The following CCDC148 variants were observed in gnomAD, a reference collection of about 807,000 sequenced individuals.
CCDC148 encodes the protein coiled-coil domain-containing protein 148.
CCDC148 carries 89 observed loss-of-function variants against 85.7 expected under a neutral mutation model. The observed-to-expected ratio is 1.04, with a 90% CI of 0.87 to 1.24. The LOEUF is 1.24. CCDC148 is among the 50% of genes most tolerant of loss of function. CCDC148 has a pLI of 0.00. For missense variants in CCDC148, 692 were observed against 671.7 expected (o/e 1.03, Z -0.33); for synonymous variants, 230 against 213.9 (o/e 1.08, Z -0.66).
At chr2:158,224,104 C>A (rs1687354317) in intron 10 of CCDC148, among the ~76,000 whole-genome samples, 1 of 152,010 alleles carries the variant, frequency 6.6e-6, no homozygotes, top group Admixed American at 6.6e-5. Flanking sequence ...CTAGAATAAC[C>A]AATGCAGAGA....
chr2:158,325,608 T>C (rs1013747008), intron 7 of CCDC148, among the ~76,000 whole-genome samples: 1 of 152,170 alleles, frequency 6.6e-6, no homozygotes, highest in African/African-American at 2.4e-5. Flanking sequence ...CAAACCCATA[T>C]AGCCAACTGC....
At chr2:158,427,463 C>A (rs1443365331) in intron 1 of CCDC148, among the ~76,000 whole-genome samples, 2 of 152,022 alleles carry the variant, frequency 1.3e-5, no homozygotes, top group African/African-American at 4.8e-5. Flanking sequence ...GAAGAGGTGG[C>A]AAAGCTGAAT....
intron 1 of CCDC148, among the ~76,000 whole-genome samples, chr2:158,411,458 ATTGAG>A (rs1364055238): frequency 6.6e-6 from 1 of 151,956 alleles, no homozygotes; most frequent in African/African-American, 2.4e-5. Context: ...CTTCTGCTTG[ATTGAG>A]TTTTCTATAG....
chr2:158,308,464 CTT>C (rs1186118837), intron 9 of CCDC148, among the ~76,000 whole-genome samples: 3 of 118,848 alleles, frequency 2.5e-5, no homozygotes, highest in Non-Finnish European at 5.5e-5. Context: ...AAAGAAATAT[CTT>C]TTTGTTTTAA....
rs550522359 is a variant in CCDC148, at chr2:158,192,106, G to C, written c.1371-13110C>G. The stretch of plus-strand genomic sequence containing the variant: ...CAATAAACTGGACAGAGATTCAGAT[G>C]AACTTACAAATAATATGTAGATCAC... On this transcript the variant is annotated intron_variant, in intron 11 of 13. Coordinates refer to ENST00000283233, the MANE Select transcript of CCDC148 (RefSeq NM_138803.4). Among the ~76,000 whole-genome samples the C allele has an allele frequency of 7.2e-5, 11 of 152,122 alleles. 1 individual carries two copies. The South Asian group carries it at 1.0e-3, about 14-fold the overall frequency.
chr2:158,256,534 AAC>A lies in CCDC148; in HGVS notation c.1111-5624_1111-5623del, dbSNP rs113842403. On this transcript the variant is annotated intron_variant, in intron 9 of 13. Transcript: ENST00000283233. ...ATATTCTATTGGCCATATTTATGGA[AAC>A]AGTGTGTGATGTGGTTGTTTTATAT... Among the ~76,000 whole-genome samples, 83 of 151,956 alleles carry A rather than the reference AAC, an allele frequency of 5.5e-4. 1 individual carries two copies. Among genetic ancestry groups the A allele is most frequent in the African/African-American group, 1.9e-3 (80 of 41,512 alleles).
intron 1 of CCDC148, among the ~76,000 whole-genome samples, chr2:158,431,334 C>G (rs1046988960): frequency 2.0e-5 from 3 of 151,642 alleles, no homozygotes; most frequent in African/African-American, 7.3e-5. Context: ...TTAAAAACTT[C>G]TAGTGATGGG....
At chr2:158,454,736 G>A (rs1368205031) in intron 1 of CCDC148, among the ~76,000 whole-genome samples, 2 of 152,222 alleles carry the variant, frequency 1.3e-5, no homozygotes, top group Non-Finnish European at 2.9e-5. Flanking sequence ...AGTCTGAATA[G>A]CATGAACTTT....
At chr2:158,351,259 G>A (rs369470354) in intron 2 of CCDC148, among the ~76,000 whole-genome samples, 3 of 152,188 alleles carry the variant, frequency 2.0e-5, no homozygotes, top group Non-Finnish European at 4.4e-5. Context: ...GAACAGCTCC[G>A]GTCTACAGCT....
Position 158,176,447 on chromosome 2 carries a change from C to T in CCDC148, c.1629+74G>A, listed in dbSNP as rs947411347. On this transcript the variant is annotated intron_variant, in intron 13 of 13. Transcript: ENST00000283233. ...ATGTAAATATTGAAAACTGTTGTAACCCCAAACACACACTTCTACAGTCCT... is the reference window on the plus strand; with the variant it reads ...ATGTAAATATTGAAAACTGTTGTAATCCCAAACACACACTTCTACAGTCCT... The T allele has an allele frequency of 2.9e-5, 42 of 1,448,210 alleles. No individual in the cohort carries two copies. In the Admixed American group the frequency reaches 8.3e-4, roughly 29 times the overall value. The allele number at this position is 1,448,210 out of a possible 1,614,324, so 89.7% of individuals were successfully genotyped here.
In CCDC148 at chr2:158,425,144, T is replaced by A. The variant is rs114837836; in HGVS notation, c.25+31271A>T. ...GGAATTACAATAGTGCCTATGGTGG[T>A]GATCAAAACTGTAGTGGCTATGGCA... On this transcript the variant is annotated intron_variant, in intron 1 of 13. Coordinates refer to ENST00000283233, the MANE Select transcript of CCDC148 (RefSeq NM_138803.4). 1,393 of 508,092 alleles carry A rather than the reference T, an allele frequency of 2.7e-3. 5 individuals carry two copies. The highest frequency in any genetic ancestry group is 4.3e-3 in the Non-Finnish European group (1,097 of 252,810). The allele number at this position is 508,092 out of a possible 1,614,324, so 31.5% of individuals were successfully genotyped here.
At chr2:158,269,038 C>G (rs1463096641) in intron 9 of CCDC148, among the ~76,000 whole-genome samples, 1 of 152,018 alleles carries the variant, frequency 6.6e-6, no homozygotes, top group Non-Finnish European at 1.5e-5. Flanking sequence ...GTGCAGCTAT[C>G]TTTGATTGGT....
At chr2:158,361,996 C>CAA (rs201419924) in intron 1 of CCDC148, among the ~76,000 whole-genome samples, 8,857 of 109,780 alleles carry the variant, frequency 0.081, 462 homozygotes, top group Non-Finnish European at 0.1. Flanking sequence ...AATGGAAAGC[C>CAA]AAAAAAAAAA....
At chr2:158,178,854 A>G in intron 12 of CCDC148, 25 bp downstream of exon 12, 2 of 1,533,896 alleles carry the variant, frequency 1.3e-6, no homozygotes, top group Non-Finnish European at 1.8e-6. Flanking sequence ...AAAACCACCC[A>G]TGAAAATTTC....
At chr2:158,368,822 C>A (rs1212600513) in intron 1 of CCDC148, among the ~76,000 whole-genome samples, 1 of 151,726 alleles carries the variant, frequency 6.6e-6, no homozygotes, top group Non-Finnish European at 1.5e-5. Context: ...CCAGTCTCTA[C>A]AGGGAAAAAT....
chr2:158,335,664 T>C (rs1682337802), intron 7 of CCDC148, among the ~76,000 whole-genome samples: 1 of 152,106 alleles, frequency 6.6e-6, no homozygotes, highest in African/African-American at 2.4e-5. Context: ...TGGGGGATAC[T>C]GCCCCCATGA....
At chr2:158,321,248 CA>C (rs1692506601) in intron 7 of CCDC148, among the ~76,000 whole-genome samples, 1 of 151,956 alleles carries the variant, frequency 6.6e-6, no homozygotes, top group Non-Finnish European at 1.5e-5. Flanking sequence ...AGATATGTGA[CA>C]AAAATAAAAT....
intron 11 of CCDC148, among the ~76,000 whole-genome samples, chr2:158,208,216 C>T (rs908319423): frequency 2.0e-5 from 3 of 152,078 alleles, no homozygotes; most frequent in African/African-American, 4.8e-5. Context: ...GAAGCGAGTA[C>T]ATTTTGGGTT....
intron 1 of CCDC148, among the ~76,000 whole-genome samples, chr2:158,443,515 A>AAAAAAAAAAAAAAAG (rs1553524474): frequency 4.0e-5 from 4 of 100,898 alleles, no homozygotes; most frequent in Non-Finnish European, 4.0e-5. Flanking sequence ...AAAAAAAAAA[A>AAAAAAAAAAAAAAAG]AAAAAAAAGA....
Sources: allele counts gnomAD v4.1 joint callset (sites outside exome capture counted in the v4.1 genomes callset), GRCh38; gene constraint gnomAD v4.1.1; transcripts MANE v1.5; gene names NCBI Gene and HGNC (gene_info 2026-07-23, HGNC 2026-07-21).